Variants in KAZN observed in about 807,000 individuals in gnomAD.
KAZN encodes kazrin.
Under a neutral mutation model 87.4 loss-of-function variants are expected in KAZN, and 40 were observed. The ratio of observed to expected loss-of-function variants is 0.46; its 90% CI spans 0.36 to 0.60. The LOEUF is 0.60. Ranked by LOEUF, KAZN falls within the 20% of genes least tolerant of loss-of-function variation. The pLI, the probability that KAZN is intolerant of heterozygous loss-of-function variation, is 0.00. For synonymous variants in KAZN, 466 were observed against 458.3 expected (o/e 1.02, Z -0.22); for missense variants, 898 against 1,073.9 (o/e 0.84, Z 2.29).
intron 2 of KAZN, among the ~76,000 whole-genome samples, chr1:14,967,279 G>A (rs1572941790): frequency 6.6e-6 from 1 of 152,080 alleles, no homozygotes; most frequent in Non-Finnish European, 1.5e-5. Flanking sequence ...TCCTGGATGT[G>A]CCTATGGTAT....
chr1:14,367,631 T>C (rs1331336487), intron 2 of KAZN, among the ~76,000 whole-genome samples: 2 of 152,280 alleles, frequency 1.3e-5, no homozygotes, highest in African/African-American at 2.4e-5. Flanking sequence ...CTGCAGAGCC[T>C]GGGCTGAATC....
At chr1:14,180,556 CATG>C in exon 2 of KAZN, 1 of 1,550,282 alleles carries the variant, frequency 6.5e-7, no homozygotes, top group Middle Eastern at 1.7e-4. Context: ...TGAAGAGTTC[CATG>C]ATATTGATGA....
chr1:14,675,595 T>C (rs1640170093), intron 1 of KAZN, among the ~76,000 whole-genome samples: 1 of 152,112 alleles, frequency 6.6e-6, no homozygotes, highest in East Asian at 1.9e-4. Flanking sequence ...CTCATTTCTT[T>C]ATTATGTCCT....
At chr1:14,385,050 T>A (rs1420668712) in intron 2 of KAZN, among the ~76,000 whole-genome samples, 1 of 151,364 alleles carries the variant, frequency 6.6e-6, no homozygotes, top group East Asian at 2.0e-4. Context: ...CTTGGGAGAG[T>A]GTATGTGTCG....
chr1:14,703,860 A>T (rs964934017), intron 1 of KAZN, among the ~76,000 whole-genome samples: 1 of 152,104 alleles, frequency 6.6e-6, no homozygotes, highest in South Asian at 2.1e-4. Flanking sequence ...GCCTGGGGCA[A>T]CTCCAGCCTG....
chr1:15,055,399 C>G (rs1355020814), intron 4 of KAZN, among the ~76,000 whole-genome samples: 2 of 152,138 alleles, frequency 1.3e-5, no homozygotes, highest in African/African-American at 4.8e-5. Context: ...ATTGCTTGAA[C>G]CCGGGAGGCG....
chr1:14,858,821 C>T (rs891568712), intron 1 of KAZN, among the ~76,000 whole-genome samples: 1 of 152,090 alleles, frequency 6.6e-6, no homozygotes. Flanking sequence ...CTGTAACTCG[C>T]CAGTGAATAT....
rs80132914 is a variant in KAZN at position 14,880,631 on chromosome 1, A to C, written c.227-80053A>C. Among the ~76,000 whole-genome samples the C allele has an allele frequency of 4.8e-3, 733 of 152,294 alleles. 10 individuals carry two copies. The highest frequency in any genetic ancestry group is 0.032 in the Admixed American group (488 of 15,288). ...CTGCTGGGCTGGAAGTTCCTCTTCC[A>C]AGATGATGACTTCACTCGTCTAAAT... is the stretch of plus-strand genomic sequence containing the variant. On this transcript the variant is annotated intron_variant, in intron 1 of 14. Coordinates refer to ENST00000376030, the MANE Select transcript of KAZN (RefSeq NM_201628.3).
chr1:13,984,111 C>T (rs1019030136), intron 1 of KAZN, among the ~76,000 whole-genome samples: 2 of 152,036 alleles, frequency 1.3e-5, no homozygotes, highest in Non-Finnish European at 2.9e-5. Flanking sequence ...CCCAGATTCA[C>T]GCAATTCTCC....
At chr1:14,156,867 C>T (rs1293603083) in intron 1 of KAZN, among the ~76,000 whole-genome samples, 1 of 149,026 alleles carries the variant, frequency 6.7e-6, no homozygotes, top group Non-Finnish European at 1.5e-5. Context: ...GGATTTACTC[C>T]TGCCATTTAA....
At chr1:14,450,691 C>T (rs995518697) in intron 2 of KAZN, among the ~76,000 whole-genome samples, 2 of 152,178 alleles carry the variant, frequency 1.3e-5, no homozygotes, top group East Asian at 1.9e-4. Context: ...ATGATGTCAA[C>T]TACCACTTTG....
At chr1:14,509,870 A>G (rs1013883694) in intron 2 of KAZN, among the ~76,000 whole-genome samples, 2 of 152,208 alleles carry the variant, frequency 1.3e-5, no homozygotes, top group Admixed American at 6.5e-5. Flanking sequence ...TGAGGAGGAG[A>G]TATTTGAACA....
Position 14,849,293 on chromosome 1 carries a change from C to T in KAZN, c.227-111391C>T, listed in dbSNP as rs577803476. ...ACACTGAGGTTCCAGCTGAACATTA[C>T]AGCCCTCATTTGAGTGTTTCTGACC... On this transcript the variant is annotated intron_variant, in intron 1 of 14. Transcript: ENST00000376030. 9.2e-5 allele frequency among the ~76,000 whole-genome samples: 14 copies of T among 152,324 alleles called. 1 individual carries two copies. Among genetic ancestry groups the T allele is most frequent in the East Asian group, 5.8e-4 (3 of 5,188 alleles).
intron 2 of KAZN, among the ~76,000 whole-genome samples, chr1:14,264,266 C>T (rs1651306342): frequency 6.6e-6 from 1 of 152,188 alleles, no homozygotes; most frequent in Non-Finnish European, 1.5e-5. Flanking sequence ...ACTGAAGTCT[C>T]CATTTCTTTG....
chr1:15,005,098 C>G (rs1451868674), intron 2 of KAZN, among the ~76,000 whole-genome samples: 1 of 152,158 alleles, frequency 6.6e-6, no homozygotes, highest in Non-Finnish European at 1.5e-5. Flanking sequence ...TGAGGGGTGC[C>G]ATGGCCGAAC....
At chr1:14,665,935 A>AG (rs1639514635) in intron 1 of KAZN, among the ~76,000 whole-genome samples, 1 of 112,038 alleles carries the variant, frequency 8.9e-6, no homozygotes, top group Non-Finnish European at 2.1e-5. Flanking sequence ...CTTTGCTCAA[A>AG]AAAAAAAAAA....
chr1:14,079,185 G>A (rs948123185), intron 1 of KAZN, among the ~76,000 whole-genome samples: 1 of 152,214 alleles, frequency 6.6e-6, no homozygotes, highest in Non-Finnish European at 1.5e-5. Flanking sequence ...GGCAGAGAAG[G>A]AACAGACATG....
chr1:14,185,554 C>A (rs1029918493), intron 2 of KAZN, among the ~76,000 whole-genome samples: 8 of 152,214 alleles, frequency 5.3e-5, no homozygotes, highest in Non-Finnish European at 1.0e-4. Flanking sequence ...GCAAAACTAT[C>A]AAATCAGCAA....
At chr1:14,290,766 T>C (rs556874900) in intron 2 of KAZN, among the ~76,000 whole-genome samples, 1 of 152,282 alleles carries the variant, frequency 6.6e-6, no homozygotes, top group East Asian at 1.9e-4. Context: ...GCACTCTGGG[T>C]TTTAAAATTT....
Sources: gnomAD v4.1 joint callset for allele counts (sites outside exome capture counted in the v4.1 genomes callset) on GRCh38, gnomAD v4.1.1 for gene constraint, MANE v1.5 for transcripts, NCBI Gene and HGNC (gene_info 2026-07-23, HGNC 2026-07-21) for gene names.